Variants in TRARG1 observed in about 807,000 individuals in gnomAD.
The protein encoded by TRARG1 is trafficking regulator of GLUT4 (SLC2A4) 1 (gene/pseudogene).
TRARG1 carries 16 observed loss-of-function variants against 13.3 expected under a neutral mutation model. The ratio of observed to expected loss-of-function variants is 1.20; its 90% CI spans 0.81 to 1.83. The LOEUF (loss-of-function observed/expected upper bound fraction) is 1.83, where lower values mean the gene tolerates loss of function less well. Ranked by LOEUF, TRARG1 falls within the 40% of genes most tolerant of loss-of-function variation. The probability of loss-of-function intolerance (pLI) is 0.00; values close to 1 mark genes in which losing one functional copy is unlikely to be tolerated. For synonymous variants in TRARG1, 113 were observed against 106.2 expected, an observed-to-expected ratio of 1.06 and a Z score of -0.39; for missense variants, 250 against 237.4, an observed-to-expected ratio of 1.05 and a Z score of -0.35.
In TRARG1 at chr17:1,288,200, G is replaced by A. The variant is rs912190746; in HGVS notation, c.388-7291G>A. Among the ~76,000 whole-genome samples, 5 of 151,866 alleles carry A rather than the reference G, an allele frequency of 3.3e-5. No homozygotes were observed. In the East Asian group the frequency reaches 9.6e-4, roughly 29 times the overall value. On this transcript the variant is annotated intron_variant, in intron 1 of 2. Transcript: ENST00000333813. ...CGCTTCCACTGCTGAGCTCCTAAGA[G>A]CTGCCTCCACGTGCTGTCTGAGCTT...
At position 1,300,921 on chromosome 17, in the gene TRARG1, ATCTACACCAGTGACGCCG is replaced by A. The variant is rs2072151631; in HGVS notation, c.*2658_*2675del. 6.6e-6 allele frequency: 1 copy of A among 152,284 alleles called. No individual in the cohort carries two copies. Among genetic ancestry groups the A allele is most frequent in the Admixed American group, 6.5e-5 (1 of 15,280 alleles). The allele number at this position is 152,284 out of a possible 1,614,324, so 9.4% of individuals were successfully genotyped here. On this transcript the variant is annotated 3_prime_UTR_variant, in exon 3 of 3. Transcript: ENST00000333813. ...AGACCCACCCCACACTGCCTTCACCATCTACACCAGTGACGCCGCTGTGTGTCTTAGCATGGAAATAAA... is the reference window on the plus strand; with the variant it reads ...AGACCCACCCCACACTGCCTTCACCACTGTGTGTCTTAGCATGGAAATAAA...
chr17:1,280,670 C>T (rs531668189), intron 1 of TRARG1, among the ~76,000 whole-genome samples: 7 of 152,228 alleles, frequency 4.6e-5, no homozygotes, highest in East Asian at 1.9e-4. Flanking sequence ...AGCTGCCTGG[C>T]GATACATCCC....
intron 1 of TRARG1, among the ~76,000 whole-genome samples, chr17:1,281,992 A>T (rs1452372816): frequency 6.6e-6 from 1 of 151,476 alleles, no homozygotes; most frequent in Non-Finnish European, 1.5e-5. Flanking sequence ...ATATGTACAT[A>T]TATACAGATA....
At chr17:1,295,765 T>C (rs2150812432) in intron 2 of TRARG1, 142 bp downstream of exon 2, 1 of 945,280 alleles carries the variant, frequency 1.1e-6, no homozygotes, top group East Asian at 2.7e-5. Context: ...ATCCTCCCAG[T>C]CCATAAAGTG....
At chr17:1,282,348 G>A (rs1322857731) in intron 1 of TRARG1, among the ~76,000 whole-genome samples, 1 of 151,338 alleles carries the variant, frequency 6.6e-6, no homozygotes. Flanking sequence ...ATGTACATAT[G>A]CGTATATATG....
intron 2 of TRARG1, among the ~76,000 whole-genome samples, chr17:1,297,713 C>G (rs141935038): frequency 6.6e-6 from 1 of 151,300 alleles, no homozygotes; most frequent in Non-Finnish European, 1.5e-5. Flanking sequence ...AAGCGAATCT[C>G]CTGCCTCAGC....
chr17:1,298,310 G>C lies in TRARG1; in HGVS notation c.*46G>C. On this transcript the variant is annotated 3_prime_UTR_variant, in exon 3 of 3. Coordinates refer to ENST00000333813, the MANE Select transcript of TRARG1 (RefSeq NM_172367.3). ...TAGCAGAGGCCGGCCCTGGCCATCG[G>C]GAGAGCTCTGACCTGCACACCGCGG... The C allele has an allele frequency of 6.2e-7, 1 of 1,608,616 alleles. No individual in the cohort carries two copies. The highest frequency in any genetic ancestry group is 8.5e-7 in the Non-Finnish European group (1 of 1,177,364).
At chr17:1,290,036 C>T (rs7209579) in intron 1 of TRARG1, among the ~76,000 whole-genome samples, 16,795 of 152,194 alleles carry the variant, frequency 0.11, 1,046 homozygotes, top group South Asian at 0.23. Flanking sequence ...AGTCCTGTTC[C>T]TCCCCCATAC....
chr17:1,287,900 G>A (rs1292995854), intron 1 of TRARG1, among the ~76,000 whole-genome samples: 6 of 151,796 alleles, frequency 4.0e-5, no homozygotes, highest in South Asian at 4.1e-4. Flanking sequence ...TGACCTCCCC[G>A]TTTCAGCCTC....
In TRARG1 at chr17:1,279,952, G is replaced by C. The variant is rs753639861; in HGVS notation, c.-50G>C. 2 of 1,562,862 alleles carry C rather than the reference G, an allele frequency of 1.3e-6. No homozygotes were observed. The highest frequency in any genetic ancestry group is 1.7e-6 in the Non-Finnish European group (2 of 1,153,752). On this transcript the variant is annotated 5_prime_UTR_variant, in exon 1 of 3. Transcript: ENST00000333813. ...GGAATGGCGCGCTGAGGTCCCTCCAGAGCCCCTTGTCCCAGCCTGGAGCTG... is the reference window on the plus strand; with the variant it reads ...GGAATGGCGCGCTGAGGTCCCTCCACAGCCCCTTGTCCCAGCCTGGAGCTG...
chr17:1,290,029 C>G (rs1311859612), intron 1 of TRARG1, among the ~76,000 whole-genome samples: 3 of 152,184 alleles, frequency 2.0e-5, no homozygotes, highest in Non-Finnish European at 4.4e-5. Flanking sequence ...CTGTTCAAGT[C>G]CTGTTCCTCC....
At chr17:1,294,521 C>T (rs2072096943) in intron 1 of TRARG1, among the ~76,000 whole-genome samples, 1 of 133,480 alleles carries the variant, frequency 7.5e-6, no homozygotes, top group Non-Finnish European at 1.5e-5. Flanking sequence ...GGCTGGAGTG[C>T]AATGGCGCAA....
At chr17:1,285,831 T>G (rs2072015952) in intron 1 of TRARG1, among the ~76,000 whole-genome samples, 2 of 146,944 alleles carry the variant, frequency 1.4e-5, no homozygotes, top group African/African-American at 2.5e-5. Context: ...CCGAGGGGAG[T>G]GGACAGAAAA....
At chr17:1,288,604 C>T (rs1331113026) in intron 1 of TRARG1, among the ~76,000 whole-genome samples, 1 of 66,708 alleles carries the variant, frequency 1.5e-5, no homozygotes, top group Non-Finnish European at 2.9e-5. Context: ...CCTCCAGCTT[C>T]TCATCCCCCA....
chr17:1,281,287 G>T (rs2150805085), intron 1 of TRARG1, among the ~76,000 whole-genome samples: 1 of 152,198 alleles, frequency 6.6e-6, no homozygotes, highest in South Asian at 2.1e-4. Context: ...GGAGAAGCAG[G>T]GCTCAGCAAT....
chr17:1,283,904 A>G lies in TRARG1; in HGVS notation c.387+3516A>G, dbSNP rs553753362. Among the ~76,000 whole-genome samples the G allele has an allele frequency of 5.1e-3, 782 of 152,172 alleles. 4 individuals are homozygous for G. The highest frequency in any genetic ancestry group is 0.018 in the African/African-American group (727 of 41,504). On this transcript the variant is annotated intron_variant, in intron 1 of 2. Transcript: ENST00000333813. ...GAGGCGGGCAGATCACGAGGTCAGG[A>G]GATTGACACCATCCTGGCTAACACG...
intron 1 of TRARG1, among the ~76,000 whole-genome samples, chr17:1,290,980 A>G (rs374824841): frequency 1.8e-4 from 27 of 149,632 alleles, no homozygotes; most frequent in African/African-American, 6.7e-4. Context: ...GTCTTGGCTC[A>G]CTGCAACCTC....
intron 2 of TRARG1, among the ~76,000 whole-genome samples, chr17:1,296,775 T>C (rs1312260311): frequency 6.6e-6 from 1 of 151,694 alleles, no homozygotes; most frequent in Non-Finnish European, 1.5e-5. Flanking sequence ...CCTCCCAAAG[T>C]GCTGGGATTA....
Position 1,295,769 on chromosome 17 carries a change from TA to T in TRARG1, c.520+149del, listed in dbSNP as rs1280378194. Reference sequence around the variant, plus strand: ...GCCCCGGCCTTATCCTCCCAGTCCATAAAGTGCCCCAGTTCCCAGGAGGGAC... The same window carrying T: ...GCCCCGGCCTTATCCTCCCAGTCCATAAGTGCCCCAGTTCCCAGGAGGGAC... On this transcript the variant is annotated intron_variant, in intron 2 of 2. Transcript: ENST00000333813. 7 of 916,636 alleles carry T rather than the reference TA, an allele frequency of 7.6e-6. No individual in the cohort carries two copies. In the East Asian group the frequency reaches 1.9e-4, roughly 25 times the overall value. 56.8% of individuals were successfully genotyped at this position (916,636 alleles called of 1,614,324 possible). A position where few individuals can be genotyped will look rare whatever the true frequency, so the allele number is the denominator to read the frequency against.
Sources: allele counts gnomAD v4.1 joint callset (sites outside exome capture counted in the v4.1 genomes callset), GRCh38; gene constraint gnomAD v4.1.1; transcripts MANE v1.5; gene names NCBI Gene and HGNC (gene_info 2026-07-23, HGNC 2026-07-21).